The following NNMT variants were observed in gnomAD, a reference collection of about 807,000 sequenced individuals.
The protein encoded by NNMT is nicotinamide N-methyltransferase.
A neutral mutation model predicts 11.7 loss-of-function variants in NNMT; 10 were observed. The observed-to-expected ratio is 0.85, with a 90% CI of 0.53 to 1.45. NNMT has a LOEUF of 1.45. NNMT is among the 40% of genes most tolerant of loss of function. The pLI, the probability that NNMT is intolerant of heterozygous loss-of-function variation, is 0.00. For missense variants in NNMT, 381 were observed against 319.4 expected, an observed-to-expected ratio of 1.19 and a Z score of -1.47; for synonymous variants, 143 against 133.8, an observed-to-expected ratio of 1.07 and a Z score of -0.48.
intron 1 of NNMT, among the ~76,000 whole-genome samples, chr11:114,258,864 C>T (rs141565666): frequency 5.9e-5 from 9 of 151,638 alleles, no homozygotes; most frequent in Middle Eastern, 3.4e-3. Context: ...GAGCTCCATT[C>T]CCCTGTGGGC....
intron 2 of NNMT, among the ~76,000 whole-genome samples, chr11:114,284,521 T>C (rs1028784337): frequency 6.6e-5 from 10 of 152,234 alleles, no homozygotes; most frequent in African/African-American, 2.4e-4. Flanking sequence ...TGGAGTGCAG[T>C]GGTGCTATCT....
At chr11:114,261,831 C>G (rs943935142) in intron 1 of NNMT, among the ~76,000 whole-genome samples, 2 of 152,174 alleles carry the variant, frequency 1.3e-5, no homozygotes, top group African/African-American at 4.8e-5. Flanking sequence ...TCAAATCCAA[C>G]TCCTCCCATC....
chr11:114,304,621 T>C (rs1033099925), intron 2 of NNMT, among the ~76,000 whole-genome samples: 1 of 152,216 alleles, frequency 6.6e-6, no homozygotes, highest in African/African-American at 2.4e-5. Context: ...TTTCTTGTGC[T>C]AAAGGCTGCC....
At chr11:114,304,342 A>G (rs574040456) in intron 2 of NNMT, among the ~76,000 whole-genome samples, 1 of 152,342 alleles carries the variant, frequency 6.6e-6, no homozygotes, top group South Asian at 2.1e-4. Flanking sequence ...GCAGGATAGT[A>G]AAAGCATTAC....
Position 114,259,554 on chromosome 11 carries a change from C to T in NNMT, c.-217+1676C>T, listed in dbSNP as rs144041117. 5.3e-4 allele frequency among the ~76,000 whole-genome samples: 80 copies of T among 152,260 alleles called. No individual in the cohort carries two copies. In the South Asian group the frequency reaches 0.016, roughly 30 times the overall value. On this transcript the variant is annotated intron_variant, in intron 1 of 4. Coordinates refer to the NNMT transcript ENST00000535401. ...GCATATGTAGACACCTGGTCCTTGG[C>T]CCATGGGGGCAGGTCCATCCCCCAG...
chr11:114,295,650 C>T (rs951844620), upstream of NNMT, among the ~76,000 whole-genome samples: 32 of 151,882 alleles, frequency 2.1e-4, no homozygotes, highest in Admixed American at 1.1e-3. Flanking sequence ...AGGATGGTCT[C>T]GATCTCCTGA....
chr11:114,298,364 T>C (rs1036895083), intron 2 of NNMT: 1 of 562,800 alleles, frequency 1.8e-6, no homozygotes, highest in Non-Finnish European at 3.2e-6. Context: ...ACCAGAGTAA[T>C]GGAAGACACA....
chr11:114,307,674 C>CA (rs397724122), intron 2 of NNMT, among the ~76,000 whole-genome samples: 1 of 2,892 alleles, frequency 3.5e-4, no homozygotes, highest in Non-Finnish European at 4.7e-3. Flanking sequence ...TAGTCTGGCT[C>CA]TGCCAACCTA....
intron 2 of NNMT, among the ~76,000 whole-genome samples, chr11:114,287,468 A>G (rs924210244): frequency 3.9e-5 from 6 of 152,090 alleles, no homozygotes; most frequent in African/African-American, 1.4e-4. Flanking sequence ...CAGATACCCA[A>G]TTATCTTAGC....
intron 2 of NNMT, among the ~76,000 whole-genome samples, chr11:114,290,714 T>C (rs566792004): frequency 5.3e-5 from 8 of 152,380 alleles, no homozygotes; most frequent in African/African-American, 1.9e-4. Context: ...ACATTCCTTC[T>C]GTCTGAAATT....
Position 114,267,483 on chromosome 11 carries a change from A to G in NNMT, c.-130+4549A>G, listed in dbSNP as rs1334984832. Reference sequence around the variant, plus strand: ...GTTATGACTACAAATGCCAATACCTACATAATACTCATTGTATGCCAGCCA... The same window carrying G: ...GTTATGACTACAAATGCCAATACCTGCATAATACTCATTGTATGCCAGCCA... On this transcript the variant is annotated intron_variant, in intron 2 of 4. Transcript: ENST00000535401. 5.3e-5 allele frequency among the ~76,000 whole-genome samples: 8 copies of G among 152,252 alleles called. No individual in the cohort carries two copies. In the East Asian group the frequency reaches 7.7e-4, roughly 15 times the overall value.
intron 2 of NNMT, among the ~76,000 whole-genome samples, chr11:114,285,541 C>T (rs957253633): frequency 2.0e-5 from 3 of 152,182 alleles, no homozygotes; most frequent in Non-Finnish European, 4.4e-5. Context: ...GCAGGCCCTG[C>T]GGGAGCACAT....
At position 114,274,505 on chromosome 11, in the gene NNMT, G is replaced by A. The variant is rs12289595; in HGVS notation, c.-130+11571G>A. 2.2e-3 allele frequency among the ~76,000 whole-genome samples: 341 copies of A among 152,338 alleles called. 3 individuals carry two copies. Among genetic ancestry groups the A allele is most frequent in the African/African-American group, 7.8e-3 (325 of 41,572 alleles). ...CTTGAAGGGATTAGGCAAGGAGTTC[G>A]GTGTTTGTTTTTGCACCTTGAGGAT... On this transcript the variant is annotated intron_variant, in intron 2 of 4. Transcript: ENST00000535401.
At chr11:114,285,344 C>T (rs1591831782) in intron 2 of NNMT, among the ~76,000 whole-genome samples, 3 of 152,280 alleles carry the variant, frequency 2.0e-5, no homozygotes, top group East Asian at 1.9e-4. Flanking sequence ...CAGCCCTCTG[C>T]GTACATACAG....
At chr11:114,282,954 G>A (rs1270179284) in intron 2 of NNMT, among the ~76,000 whole-genome samples, 1 of 152,202 alleles carries the variant, frequency 6.6e-6, no homozygotes, top group Non-Finnish European at 1.5e-5. Context: ...CAGAGAAAGT[G>A]TACAACTTCA....
intron 2 of NNMT, chr11:114,263,061 T>C (rs920344506): frequency 4.6e-5 from 7 of 152,190 alleles, no homozygotes; most frequent in African/African-American, 1.7e-4. Context: ...CTCAGAAATC[T>C]GTCGATTACC....
intron 2 of NNMT, among the ~76,000 whole-genome samples, chr11:114,274,214 C>A (rs534000588): frequency 3.5e-4 from 54 of 152,316 alleles, no homozygotes; most frequent in African/African-American, 1.2e-3. Flanking sequence ...GAAAGTAGAA[C>A]CTTTTGGGAA....
At chr11:114,310,103 T>C (rs578061688) in intron 2 of NNMT, among the ~76,000 whole-genome samples, 1 of 152,370 alleles carries the variant, frequency 6.6e-6, no homozygotes, top group East Asian at 1.9e-4. Context: ...ATATATGTTT[T>C]CATTTCTCTT....
chr11:114,276,663 AGGGCTCT>A (rs766638168), intron 2 of NNMT, among the ~76,000 whole-genome samples: 1 of 152,202 alleles, frequency 6.6e-6, no homozygotes, highest in Non-Finnish European at 1.5e-5. Flanking sequence ...TCTTGTTTCA[AGGGCTCT>A]GCAGGGTTGC....
Sources: allele counts gnomAD v4.1 joint callset (sites outside exome capture counted in the v4.1 genomes callset), GRCh38; gene constraint gnomAD v4.1.1; transcripts MANE v1.5; gene names NCBI Gene and HGNC (gene_info 2026-07-23, HGNC 2026-07-21).